Variants in DUS2 observed in about 807,000 individuals in gnomAD.
DUS2 encodes the protein tRNA-dihydrouridine(20) synthase [NAD(P)+]-like.
Under a neutral mutation model 71.3 loss-of-function variants are expected in DUS2, and 52 were observed. The ratio of observed to expected loss-of-function variants is 0.73; its 90% confidence interval spans 0.58 to 0.92. The LOEUF (loss-of-function observed/expected upper bound fraction) is 0.92. DUS2 is among the 40% of genes least tolerant of loss of function. The pLI, the probability that DUS2 is intolerant of heterozygous loss-of-function variation, is 0.00. For synonymous variants in DUS2, 204 were observed against 227.8 expected (o/e 0.90, Z 0.94); for missense variants, 558 against 622.6 (o/e 0.90, Z 1.10).
rs1164744024 is a variant in DUS2, at chr16:68,075,423, T to C, written c.1001T>C (p.Leu334Pro). 6.2e-7 allele frequency: 1 copy of C among 1,613,956 alleles called. No individual in the cohort carries two copies. The highest frequency in any genetic ancestry group is 8.5e-7 in the Non-Finnish European group (1 of 1,179,912). Reference sequence around the variant, plus strand: ...GAGCTGGATGCCCAGCAGGCCAGGCTCTCAGCCAAGACTTCAGAGCAGACA... The same window carrying C: ...GAGCTGGATGCCCAGCAGGCCAGGCCCTCAGCCAAGACTTCAGAGCAGACA... ...TQELDAQQAR[L>P]SAKTSEQTGE... The change falls in exon 14 of 17, where the codon CTC (leucine) becomes CCC (proline). Residue 334 changes from leucine (L) to proline (P), a missense_variant. Coordinates refer to ENST00000565263, the MANE Select transcript of DUS2 (RefSeq NM_017803.5).
At chr16:68,039,165 A>G (rs147043664) in intron 3 of DUS2, among the ~76,000 whole-genome samples, 21 of 152,292 alleles carry the variant, frequency 1.4e-4, no homozygotes, top group African/African-American at 4.8e-4. Flanking sequence ...GCGCATAGGA[A>G]TTAATGACAG....
intron 3 of DUS2, among the ~76,000 whole-genome samples, chr16:68,040,614 G>A (rs530777208): frequency 6.6e-5 from 10 of 152,252 alleles, no homozygotes; most frequent in African/African-American, 1.4e-4. Context: ...ATAAACAAAG[G>A]GGTATCTACC....
At chr16:68,025,603 A>C (rs2033337059) in intron 2 of DUS2, 109 bp downstream of exon 2, 1 of 152,146 alleles carries the variant, frequency 6.6e-6, no homozygotes, top group African/African-American at 2.4e-5. Context: ...CAATATGATT[A>C]CCTCAAAATT....
At chr16:68,052,987 G>C (rs990160479) in intron 4 of DUS2, among the ~76,000 whole-genome samples, 2 of 149,396 alleles carry the variant, frequency 1.3e-5, no homozygotes, top group African/African-American at 2.5e-5. Context: ...TTTCGAGACG[G>C]AGTCTTGCTC....
intron 2 of DUS2, among the ~76,000 whole-genome samples, chr16:68,034,167 C>G (rs761170949): frequency 2.0e-5 from 3 of 152,056 alleles, no homozygotes; most frequent in Non-Finnish European, 2.9e-5. Flanking sequence ...CTCCCAGGCT[C>G]TAGTGATCTC....
intron 2 of DUS2, 86 bp from the exon 3 acceptor site, chr16:68,037,920 C>A (rs1440992355): frequency 7.3e-7 from 1 of 1,363,512 alleles, no homozygotes. Flanking sequence ...TGTGCTGGAA[C>A]CTTGAAGAAG....
intron 2 of DUS2, among the ~76,000 whole-genome samples, chr16:68,037,602 A>G (rs2033550878): frequency 6.6e-6 from 1 of 151,900 alleles, no homozygotes; most frequent in Non-Finnish European, 1.5e-5. Context: ...ATTTTTTAGT[A>G]GAGATAGGGT....
intron 15 of DUS2, 69 bp downstream of exon 15, chr16:68,076,788 A>G: frequency 7.1e-7 from 1 of 1,415,044 alleles, no homozygotes; most frequent in Non-Finnish European, 9.9e-7. Context: ...CCTCAACTCT[A>G]GATTGCCAGG....
chr16:68,053,757 T>C (rs2033812544), intron 5 of DUS2, 102 bp downstream of exon 5: 5 of 1,188,034 alleles, frequency 4.2e-6, no homozygotes, highest in South Asian at 2.5e-5. Context: ...CTGGGGTACA[T>C]TGTACAACGA....
intron 7 of DUS2, among the ~76,000 whole-genome samples, chr16:68,058,282 C>T (rs1427751854): frequency 6.7e-6 from 1 of 149,958 alleles, no homozygotes; most frequent in Non-Finnish European, 1.5e-5. Flanking sequence ...TGGAGTGTAG[C>T]AGTGCAATCT....
intron 4 of DUS2, among the ~76,000 whole-genome samples, chr16:68,052,966 A>G (rs564023182): frequency 8.1e-6 from 1 of 123,874 alleles, no homozygotes; most frequent in Non-Finnish European, 1.8e-5. Context: ...TTGTTTCAAC[A>G]TTTTTTTTTT....
intron 12 of DUS2, among the ~76,000 whole-genome samples, chr16:68,073,299 G>T (rs1023385892): frequency 2.0e-5 from 3 of 152,062 alleles, no homozygotes; most frequent in Non-Finnish European, 4.4e-5. Flanking sequence ...TTTAGATAGG[G>T]TCTCAGTCTG....
At chr16:68,075,244 T>G in intron 13 of DUS2, 111 bp from the exon 14 acceptor site, 3 of 1,047,970 alleles carry the variant, frequency 2.9e-6, no homozygotes, top group Non-Finnish European at 3.9e-6. Flanking sequence ...CCGGTGGTGT[T>G]TTGGTGTATG....
At chr16:68,035,305 C>T (rs1202632397) in intron 2 of DUS2, among the ~76,000 whole-genome samples, 3 of 152,052 alleles carry the variant, frequency 2.0e-5, no homozygotes, top group African/African-American at 7.2e-5. Context: ...AAATTCTCAG[C>T]GTATCCTACA....
At chr16:68,036,039 C>G (rs2033521430) in intron 2 of DUS2, among the ~76,000 whole-genome samples, 1 of 150,068 alleles carries the variant, frequency 6.7e-6, no homozygotes, top group African/African-American at 2.5e-5. Flanking sequence ...CTCTGTTGCT[C>G]AGGCTAGAGT....
At chr16:68,074,501 C>T (rs2034130912) in intron 13 of DUS2, among the ~76,000 whole-genome samples, 1 of 152,208 alleles carries the variant, frequency 6.6e-6, no homozygotes. Flanking sequence ...CTTGAGCCTG[C>T]ACTCACATCC....
At chr16:68,061,290 A>T (rs988295413) in intron 8 of DUS2, among the ~76,000 whole-genome samples, 177 bp downstream of exon 8, 18 of 152,000 alleles carry the variant, frequency 1.2e-4, no homozygotes, top group Non-Finnish European at 2.1e-4. Context: ...AAGTTTGGGA[A>T]CCCCCGAGCC....
rs114485975 is a variant in DUS2, at chr16:68,073,138, C to T, written c.811-896C>T. Among the ~76,000 whole-genome samples, 1,013 of 152,336 alleles carry T rather than the reference C, an allele frequency of 6.6e-3. 16 individuals carry two copies. Among genetic ancestry groups the T allele is most frequent in the African/African-American group, 0.022 (922 of 41,572 alleles). On this transcript the variant is annotated intron_variant, in intron 12 of 16. Coordinates refer to ENST00000565263, the MANE Select transcript of DUS2 (RefSeq NM_017803.5). The stretch of plus-strand genomic sequence containing the variant: ...GGTGGCTGAAGCAGGAAGGGGCTCC[C>T]GCACTTCGAGACCTCAGTCAGGCTG...
At chr16:68,067,048 TTCCC>T (rs1449802764) in intron 10 of DUS2, among the ~76,000 whole-genome samples, 50 of 63,212 alleles carry the variant, frequency 7.9e-4, no homozygotes, top group East Asian at 2.8e-3. Flanking sequence ...CCTTCCTTCC[TTCCC>T]TCCCTCCCTC....
Sources: gnomAD v4.1 joint callset for allele counts (sites outside exome capture counted in the v4.1 genomes callset) on GRCh38, gnomAD v4.1.1 for gene constraint, MANE v1.5 for transcripts, NCBI Gene and HGNC (gene_info 2026-07-23, HGNC 2026-07-21) for gene names.